Variants in PRKN observed in about 807,000 individuals in gnomAD.
PRKN encodes the protein parkin RBR E3 ubiquitin protein ligase.
Under a neutral mutation model 59.5 loss-of-function variants are expected in PRKN, and 56 were observed. The ratio of observed to expected loss-of-function variants is 0.94; its 90% CI spans 0.76 to 1.18. The LOEUF (loss-of-function observed/expected upper bound fraction) is 1.18. Ranked by LOEUF, PRKN falls within the 50% of genes most tolerant of loss-of-function variation. PRKN has a pLI of 0.00. For missense variants in PRKN, 657 were observed against 596.4 expected (o/e 1.10, Z -1.06); for synonymous variants, 250 against 222.1 (o/e 1.13, Z -1.12).
At chr6:162,060,340 G>A (rs1778048454) in intron 4 of PRKN, among the ~76,000 whole-genome samples, 1 of 152,196 alleles carries the variant, frequency 6.6e-6, no homozygotes, top group Non-Finnish European at 1.5e-5. Flanking sequence ...GTTTGCATCA[G>A]TAAGTGGAAA....
At chr6:162,692,929 T>C (rs1234352220) in intron 1 of PRKN, among the ~76,000 whole-genome samples, 1 of 152,176 alleles carries the variant, frequency 6.6e-6, no homozygotes, top group Non-Finnish European at 1.5e-5. Context: ...ATTATCTGAC[T>C]CCTTGGTCAT....
intron 5 of PRKN, among the ~76,000 whole-genome samples, chr6:162,048,326 A>C (rs1187962036): frequency 6.6e-6 from 1 of 151,830 alleles, no homozygotes; most frequent in Non-Finnish European, 1.5e-5. Flanking sequence ...TTGAGTAAAT[A>C]CCCCCATCCT....
chr6:161,462,145 C>A lies in PRKN; in HGVS notation c.1084-75268G>T, dbSNP rs547293354. Among the ~76,000 whole-genome samples, 1 of 152,226 alleles carries A rather than the reference C, an allele frequency of 6.6e-6. No individual in the cohort carries two copies. Among genetic ancestry groups the A allele is most frequent in the Non-Finnish European group, 1.5e-5 (1 of 68,044 alleles). The stretch of plus-strand genomic sequence containing the variant: ...TCACTACGGTAGGGACCTACACATG[C>A]TTTGTCTCATCCTTTTCATCTTTGC... On this transcript the variant is annotated intron_variant, in intron 9 of 11. Transcript: ENST00000366898. This position sits in a 1 kb window ranked among gnomAD's most constrained non-coding sequence, Gnocchi z 4.5.
chr6:161,429,400 T>C lies in PRKN; in HGVS notation c.1084-42523A>G, dbSNP rs1322062785. On this transcript the variant is annotated intron_variant, in intron 9 of 11. Coordinates refer to ENST00000366898, the MANE Select transcript of PRKN (RefSeq NM_004562.3). The surrounding 1 kb of genome is among the most constrained non-coding windows in gnomAD (Gnocchi z 4.2). ...CAGTGCCCTAAGTGCTATTGCTCTA[T>C]GTGTGGGAAAACAGGCAACCTGGGG... is the stretch of plus-strand genomic sequence containing the variant. Among the ~76,000 whole-genome samples the C allele has an allele frequency of 6.6e-6, 1 of 152,106 alleles. No individual in the cohort carries two copies. Among genetic ancestry groups the C allele is most frequent in the Non-Finnish European group, 1.5e-5 (1 of 68,032 alleles).
chr6:162,501,505 G>A lies in PRKN; in HGVS notation c.8-58032C>T, dbSNP rs1214893889. ...TGGGATTACAGGCATGTGCCACCAC[G>A]CCTGGTTAATTTTTTTTTTTTTTTT... is the stretch of plus-strand genomic sequence containing the variant. On this transcript the variant is annotated intron_variant, in intron 1 of 11. Transcript: ENST00000366898. 3.5e-5 allele frequency among the ~76,000 whole-genome samples: 5 copies of A among 141,492 alleles called. No individual in the cohort carries two copies. The South Asian group carries it at 6.9e-4, about 19-fold the overall frequency. 92.8% of individuals were successfully genotyped at this position (141,492 alleles called of 152,430 possible). A position where few individuals can be genotyped will look rare whatever the true frequency, so the allele number is the denominator to read the frequency against.
intron 3 of PRKN, among the ~76,000 whole-genome samples, chr6:162,232,023 C>T (rs1778444192): frequency 6.6e-6 from 1 of 152,144 alleles, no homozygotes; most frequent in African/African-American, 2.4e-5. Flanking sequence ...TTCCATACCC[C>T]TTAACCTCTC....
chr6:162,533,436 G>A (rs1010118708), intron 1 of PRKN, among the ~76,000 whole-genome samples: 4 of 152,116 alleles, frequency 2.6e-5, no homozygotes, highest in Non-Finnish European at 5.9e-5. Context: ...GCTGAGACAG[G>A]AGAATTGTTT....
At chr6:162,253,787 C>T (rs988853370) in intron 3 of PRKN, among the ~76,000 whole-genome samples, 1 of 135,790 alleles carries the variant, frequency 7.4e-6, no homozygotes, top group Non-Finnish European at 1.6e-5. Flanking sequence ...ACTTCATATC[C>T]ATCAATTAGA....
chr6:161,435,246 A>G (rs189288683), intron 9 of PRKN, among the ~76,000 whole-genome samples: 69 of 152,294 alleles, frequency 4.5e-4, no homozygotes, highest in African/African-American at 1.6e-3. Flanking sequence ...AATATTTTAC[A>G]AGGAACCTTT....
intron 1 of PRKN, among the ~76,000 whole-genome samples, chr6:162,670,317 A>T (rs550513148): frequency 2.8e-4 from 43 of 152,262 alleles, no homozygotes; most frequent in Non-Finnish European, 1.0e-4. Flanking sequence ...TTTAAAAGGC[A>T]GTCCCTGTGC....
rs1045675523 is a variant in PRKN, at chr6:161,552,027, G to A, written c.934-3024C>T. Among the ~76,000 whole-genome samples, 2 of 152,076 alleles carry A rather than the reference G, an allele frequency of 1.3e-5. No homozygotes were observed. The highest frequency in any genetic ancestry group is 1.5e-5 in the Non-Finnish European group (1 of 68,012). ...TACTGGGATTTGAGGAAGAAGAAAC[G>A]TATGAGTGATGAAGGAAGGGGAGGG... On this transcript the variant is annotated intron_variant, in intron 8 of 11. Transcript: ENST00000366898. This position sits in a 1 kb window ranked among gnomAD's most constrained non-coding sequence, Gnocchi z 4.9.
intron 7 of PRKN, among the ~76,000 whole-genome samples, chr6:161,687,388 CAAAAAAAAAAAAAAAAA>C (rs1192587302): frequency 3.9e-5 from 2 of 51,554 alleles, no homozygotes; most frequent in South Asian, 2.9e-3. Flanking sequence ...GACTCCATCT[CAAAAAAAAAAAAAAAAA>C]AAAAAAAAAA....
At chr6:162,178,786 G>C (rs572710348) in intron 4 of PRKN, among the ~76,000 whole-genome samples, 3 of 152,178 alleles carry the variant, frequency 2.0e-5, no homozygotes, top group South Asian at 2.1e-4. Context: ...TGGGGTAAAA[G>C]CCTCAGTCCC....
chr6:161,662,821 A>G (rs1490063038), intron 7 of PRKN, among the ~76,000 whole-genome samples: 1 of 152,184 alleles, frequency 6.6e-6, no homozygotes, highest in African/African-American at 2.4e-5. Context: ...AATCGAACAC[A>G]TGAGGATATC....
chr6:162,607,711 G>C (rs1781981180), intron 1 of PRKN, among the ~76,000 whole-genome samples: 1 of 152,144 alleles, frequency 6.6e-6, no homozygotes, highest in Non-Finnish European at 1.5e-5. Flanking sequence ...TGGGAGATTT[G>C]CCTTAGGATG....
At chr6:162,063,650 T>C (rs1778200321) in intron 4 of PRKN, among the ~76,000 whole-genome samples, 1 of 151,706 alleles carries the variant, frequency 6.6e-6, no homozygotes, top group African/African-American at 2.4e-5. Context: ...GTTCAAGTGA[T>C]ACTCCTGCTT....
intron 1 of PRKN, among the ~76,000 whole-genome samples, chr6:162,665,610 A>T (rs576792992): frequency 4.6e-5 from 7 of 152,328 alleles, no homozygotes; most frequent in Non-Finnish European, 7.3e-5. Flanking sequence ...CATACTTCCC[A>T]AAGTAATTTA....
At chr6:162,412,628 T>C (rs901655095) in intron 2 of PRKN, among the ~76,000 whole-genome samples, 1 of 152,146 alleles carries the variant, frequency 6.6e-6, no homozygotes, top group Non-Finnish European at 1.5e-5. Context: ...ACTACAAATA[T>C]GTACAATGAC....
Position 161,533,561 on chromosome 6 carries a change from T to C in PRKN, c.1083+15293A>G, listed in dbSNP as rs138354262. Among the ~76,000 whole-genome samples the C allele has an allele frequency of 1.1e-4, 16 of 152,288 alleles. No homozygotes were observed. In the East Asian group the frequency reaches 2.3e-3, roughly 22 times the overall value. On this transcript the variant is annotated intron_variant, in intron 9 of 11. Coordinates refer to ENST00000366898, the MANE Select transcript of PRKN (RefSeq NM_004562.3). This position sits in a 1 kb window ranked among gnomAD's most constrained non-coding sequence, Gnocchi z 4.1. ...CCACCAAGTGGAAAGCCCATTTGCA[T>C]AATAAGATTAGGGTGGGGCGACCAG...
Sources: allele counts gnomAD v4.1 joint callset (sites outside exome capture counted in the v4.1 genomes callset), GRCh38; gene constraint gnomAD v4.1.1; non-coding constraint Gnocchi (gnomAD v3.1); transcripts MANE v1.5; gene names NCBI Gene and HGNC (gene_info 2026-07-23, HGNC 2026-07-21).